The following TRHDE variants were observed in gnomAD, a reference collection of about 807,000 sequenced individuals.
TRHDE encodes thyrotropin releasing hormone degrading enzyme, also known as thyrotropin-releasing hormone-degrading ectoenzyme.
TRHDE carries 72 observed loss-of-function variants against 125.7 expected under a neutral mutation model. That is an observed-to-expected ratio of 0.57 (90% CI 0.47 to 0.70). The LOEUF (loss-of-function observed/expected upper bound fraction) is 0.70. TRHDE is among the 30% of genes least tolerant of loss of function. The pLI, the probability that TRHDE is intolerant of heterozygous loss-of-function variation, is 0.00. For synonymous variants in TRHDE, 509 were observed against 509.1 expected, an observed-to-expected ratio of 1.00 and a Z score of 0.00; for missense variants, 1,110 against 1,327.1, an observed-to-expected ratio of 0.84 and a Z score of 2.54.
chr12:72,398,374 G>C (rs997626780), intron 3 of TRHDE, among the ~76,000 whole-genome samples: 1 of 152,088 alleles, frequency 6.6e-6, no homozygotes, highest in Non-Finnish European at 1.5e-5. Context: ...GGGTCAAATG[G>C]TATTTCTAGT....
intron 3 of TRHDE, among the ~76,000 whole-genome samples, chr12:72,428,188 A>G (rs889142882): frequency 2.0e-5 from 3 of 152,152 alleles, no homozygotes; most frequent in Non-Finnish European, 2.9e-5. Flanking sequence ...TGTCCTAACC[A>G]TATACTAGGG....
intron 2 of TRHDE, among the ~76,000 whole-genome samples, chr12:72,288,164 C>G (rs1207060090): frequency 6.6e-6 from 1 of 152,034 alleles, no homozygotes; most frequent in Non-Finnish European, 1.5e-5. Context: ...TTCTTCTCAT[C>G]CAGTAACCTT....
chr12:72,210,198 C>CTATCTATT lies in TRHDE; in HGVS notation n.279+104453_279+104454insTTATCTAT, dbSNP rs1555168859. ...TCTATCTATCTATCTATCTATCTATCTATCTATCTACTTTCTGATAAAGTA... is the reference window on the plus strand; with the variant it reads ...TCTATCTATCTATCTATCTATCTATCTATCTATTTATCTATCTACTTTCTGATAAAGTA... On this transcript the variant is annotated intron_variant and non_coding_transcript_variant, in intron 2 of 4. Coordinates refer to the TRHDE transcript ENST00000548156. Among the ~76,000 whole-genome samples the CTATCTATT allele has an allele frequency of 3.2e-5, 4 of 126,026 alleles. No homozygotes were observed. The East Asian group carries it at 8.9e-4, about 28-fold the overall frequency. The allele number at this position is 126,026 out of a possible 152,430, so 82.7% of individuals were successfully genotyped here. A position where few individuals can be genotyped will look rare whatever the true frequency, so the allele number is the denominator to read the frequency against.
chr12:72,298,115 A>G (rs1880372881), intron 2 of TRHDE, among the ~76,000 whole-genome samples: 2 of 152,226 alleles, frequency 1.3e-5, no homozygotes, highest in Non-Finnish European at 2.9e-5. Context: ...AAGAGTCTAC[A>G]TATTGAAGAG....
At position 72,338,530 on chromosome 12, in the gene TRHDE, C is replaced by G. The variant is rs538871136; in HGVS notation, c.1189-39465C>G. Among the ~76,000 whole-genome samples, 266 of 152,254 alleles carry G rather than the reference C, an allele frequency of 1.7e-3. 4 individuals carry two copies. Among genetic ancestry groups the G allele is most frequent in the South Asian group, 9.5e-3 (46 of 4,820 alleles). On this transcript the variant is annotated intron_variant, in intron 2 of 18. Transcript: ENST00000261180. Reference sequence around the variant, plus strand: ...GCCAAAAGGAGTTAGAGTGTAGGTTCTAGCTTTTTATCTGACATCCACTCA... The same window carrying G: ...GCCAAAAGGAGTTAGAGTGTAGGTTGTAGCTTTTTATCTGACATCCACTCA...
intron 2 of TRHDE, among the ~76,000 whole-genome samples, chr12:72,340,168 G>A (rs566257585): frequency 2.6e-5 from 4 of 152,118 alleles, no homozygotes; most frequent in Non-Finnish European, 5.9e-5. Context: ...CTGGGAGTAT[G>A]GGAACTCAGA....
At chr12:72,151,309 G>A (rs1876358649) in intron 2 of TRHDE, among the ~76,000 whole-genome samples, 2 of 151,990 alleles carry the variant, frequency 1.3e-5, no homozygotes, top group South Asian at 2.1e-4. Flanking sequence ...TTTGTCAGAT[G>A]AGTAGATTGC....
chr12:72,238,769 A>G (rs1040460420), intron 2 of TRHDE, among the ~76,000 whole-genome samples: 2 of 152,142 alleles, frequency 1.3e-5, no homozygotes, highest in African/African-American at 4.8e-5. Flanking sequence ...TATATGTGCC[A>G]CATTTTCTTT....
chr12:72,573,648 C>G (rs1329692616), intron 10 of TRHDE, among the ~76,000 whole-genome samples: 1 of 152,066 alleles, frequency 6.6e-6, no homozygotes, highest in East Asian at 1.9e-4. Flanking sequence ...TTCTTGTACT[C>G]TAGTACTCTT....
In TRHDE at chr12:72,667,737, C is replaced by G. The variant is rs1030913746; in HGVS notation, c.*4542C>G. 1 of 151,476 alleles carries G rather than the reference C, an allele frequency of 6.6e-6. No homozygotes were observed. Among genetic ancestry groups the G allele is most frequent in the African/African-American group, 2.4e-5 (1 of 41,342 alleles). The allele number at this position is 151,476 out of a possible 1,614,324, so 9.4% of individuals were successfully genotyped here. ...TTATTGTTTGATTTCCTAGTGCTTA[C>G]TTGTGTTTTACAGAAATATGTTACA... is the stretch of plus-strand genomic sequence containing the variant. On this transcript the variant is annotated 3_prime_UTR_variant, in exon 19 of 19. Coordinates refer to ENST00000261180, the MANE Select transcript of TRHDE (RefSeq NM_013381.3).
intron 2 of TRHDE, among the ~76,000 whole-genome samples, chr12:72,190,560 GGTAA>G (rs763866484): frequency 1.3e-5 from 2 of 152,130 alleles, no homozygotes; most frequent in Non-Finnish European, 2.9e-5. Context: ...GAAGATTGGT[GGTAA>G]GTAAGTATGG....
intron 6 of TRHDE, among the ~76,000 whole-genome samples, chr12:72,525,601 T>G (rs867508047): frequency 7.8e-6 from 1 of 127,672 alleles, no homozygotes; most frequent in Non-Finnish European, 1.6e-5. Flanking sequence ...TGTGTGTGGT[T>G]TGTGTGTGTG....
chr12:72,235,119 C>T (rs73135480), intron 2 of TRHDE, among the ~76,000 whole-genome samples: 4,561 of 152,216 alleles, frequency 0.03, 91 homozygotes, highest in Non-Finnish European at 0.044. Flanking sequence ...TTATGTAACA[C>T]GAACTCTTGA....
At chr12:72,089,889 G>A (rs1874752141) in intron 1 of TRHDE, among the ~76,000 whole-genome samples, 1 of 152,138 alleles carries the variant, frequency 6.6e-6, no homozygotes, top group South Asian at 2.1e-4. Context: ...GGCAAGTGGT[G>A]AACACTCAGT....
In TRHDE at chr12:72,473,179, T is replaced by C. The variant is rs1165179072; in HGVS notation, c.1583T>C (p.Met528Thr). 4 of 1,610,744 alleles carry C rather than the reference T, an allele frequency of 2.5e-6. No individual in the cohort carries two copies. The highest frequency in any genetic ancestry group is 1.3e-5 in the African/African-American group (1 of 74,958). ...GACTACCTCTATCCTGGCTGGAACA[T>C]GGTAAGTGCACTTGAATTATTTGAA... ...GTDYLYPGWN[M>T]EKQRFLTDVL... Residue 528 changes from methionine to threonine, a missense_variant and splice_region_variant, in exon 5 of 19, where the codon ATG (methionine) becomes ACG (threonine). Physicochemically the swap from Met to Thr is moderately conservative, Grantham distance 81. Transcript: ENST00000261180.
At chr12:72,560,572 A>G (rs1299995950) in intron 7 of TRHDE, 2 of 152,206 alleles carry the variant, frequency 1.3e-5, no homozygotes, top group Non-Finnish European at 2.9e-5. Flanking sequence ...CTGTAATCGC[A>G]ACCCTTTGGC....
exon 2 of TRHDE, chr12:72,105,664 C>G (rs988809004): frequency 1.3e-5 from 2 of 152,076 alleles, no homozygotes; most frequent in South Asian, 4.2e-4. Context: ...AACTGAGGCA[C>G]AAGTGTTATG....
intron 6 of TRHDE, among the ~76,000 whole-genome samples, chr12:72,516,369 A>G (rs1878860571): frequency 6.6e-6 from 1 of 152,196 alleles, no homozygotes. Flanking sequence ...CATCCCTTGT[A>G]AGTTCAATTC....
At position 72,669,660 on chromosome 12, in the gene TRHDE, CATT is replaced by C. The variant is rs1875201897; in HGVS notation, c.*6470_*6472del. The C allele has an allele frequency of 2.6e-5, 4 of 151,832 alleles. No homozygotes were observed. The highest frequency in any genetic ancestry group is 7.2e-5 in the African/African-American group (3 of 41,514). 9.4% of individuals were successfully genotyped at this position (151,832 alleles called of 1,614,324 possible). ...GTATGACCTACTCAGTGAGAACATT[CATT>C]ATTAAGTTTTTGCTATTAATTTTCA... On this transcript the variant is annotated 3_prime_UTR_variant, in exon 19 of 19. Coordinates refer to ENST00000261180, the MANE Select transcript of TRHDE (RefSeq NM_013381.3).
Sources: allele counts gnomAD v4.1 joint callset (sites outside exome capture counted in the v4.1 genomes callset), GRCh38; gene constraint gnomAD v4.1.1; transcripts MANE v1.5; gene names NCBI Gene and HGNC (gene_info 2026-07-23, HGNC 2026-07-21).